PRDM5: variants seen among roughly 807,000 people sequenced by gnomAD.
PRDM5 encodes PR domain zinc finger protein 5.
Under a neutral mutation model 81.2 loss-of-function variants are expected in PRDM5, and 56 were observed. The ratio of observed to expected loss-of-function variants is 0.69; its 90% CI spans 0.56 to 0.86. The LOEUF is 0.86. Among genes scored for constraint, PRDM5 ranks in the 40% least tolerant of loss-of-function variants. The pLI is 0.00. For synonymous variants in PRDM5, 267 were observed against 256.4 expected (o/e 1.04, Z -0.39); for missense variants, 697 against 770.1 (o/e 0.91, Z 1.12).
rs1039696177 is a variant in PRDM5, at chr4:120,771,589, A to C, written c.1537+5599T>G. ...GATTTTAAGTATGCCAAACACCATG[A>C]TATTAATTCCTTATCAATAGTCAAC... On this transcript the variant is annotated intron_variant, in intron 13 of 15. Transcript: ENST00000264808. 5.9e-5 allele frequency among the ~76,000 whole-genome samples: 9 copies of C among 152,176 alleles called. 1 individual carries two copies. The highest frequency in any genetic ancestry group is 2.2e-4 in the African/African-American group (9 of 41,450).
chr4:120,838,524 C>CT (rs904018663), intron 3 of PRDM5: 1 of 152,156 alleles, frequency 6.6e-6, no homozygotes, highest in African/African-American at 2.4e-5. Context: ...AGTGCCCAAC[C>CT]TTTTTGGCAT....
At chr4:120,818,997 C>T (rs1326298781) in intron 4 of PRDM5, among the ~76,000 whole-genome samples, 1 of 152,144 alleles carries the variant, frequency 6.6e-6, no homozygotes, top group Non-Finnish European at 1.5e-5. Flanking sequence ...GTGAATTATG[C>T]TACACGGTCC....
intron 14 of PRDM5, among the ~76,000 whole-genome samples, chr4:120,730,793 A>G (rs1400387822): frequency 6.6e-6 from 1 of 152,210 alleles, no homozygotes; most frequent in Non-Finnish European, 1.5e-5. Context: ...CTAAATATTT[A>G]TAGAGGTTTA....
chr4:120,887,786 CTTTTTTT>C lies in PRDM5; in HGVS notation c.177+19681_177+19687del, dbSNP rs773355512. Among the ~76,000 whole-genome samples the C allele has an allele frequency of 1.1e-4, 9 of 85,208 alleles. 2 individuals carry two copies. The highest frequency in any genetic ancestry group is 5.0e-4 in the African/African-American group (7 of 14,114). 55.9% of individuals were successfully genotyped at this position (85,208 alleles called of 152,430 possible). ...AAACCCACAGCCTAGACATTTTATCCTTTTTTTTTTTTTTTTTTTTTTTTGAGACGGA... is the reference window on the plus strand; with the variant it reads ...AAACCCACAGCCTAGACATTTTATCCTTTTTTTTTTTTTTTTTGAGACGGA... On this transcript the variant is annotated intron_variant, in intron 2 of 15. Transcript: ENST00000264808.
At chr4:120,747,924 C>T (rs1367215608) in intron 14 of PRDM5, among the ~76,000 whole-genome samples, 1 of 152,154 alleles carries the variant, frequency 6.6e-6, no homozygotes, top group Non-Finnish European at 1.5e-5. Context: ...CAGGTGCCTT[C>T]CATGTTGAAA....
At chr4:120,725,456 C>T (rs1402699072) in intron 14 of PRDM5, among the ~76,000 whole-genome samples, 1 of 152,166 alleles carries the variant, frequency 6.6e-6, no homozygotes, top group East Asian at 1.9e-4. Context: ...TCAGTAGTAA[C>T]CAGAAACAGA....
Position 120,887,425 on chromosome 4 carries a change from T to C in PRDM5, c.177+20049A>G, listed in dbSNP as rs76443517. ...CTAGGTGGTCTCCCTGCTCCACTCT[T>C]GCCTCTCTACCTGTTCTCCACGAGG... On this transcript the variant is annotated intron_variant, in intron 2 of 15. Coordinates refer to ENST00000264808, the MANE Select transcript of PRDM5 (RefSeq NM_018699.4). Among the ~76,000 whole-genome samples the C allele has an allele frequency of 2.9e-3, 436 of 152,280 alleles. 2 individuals are homozygous for C. Among genetic ancestry groups the C allele is most frequent in the African/African-American group, 0.01 (420 of 41,554 alleles).
intron 3 of PRDM5, among the ~76,000 whole-genome samples, chr4:120,822,991 A>G (rs899162560): frequency 9.9e-5 from 15 of 152,196 alleles, no homozygotes; most frequent in African/African-American, 3.6e-4. Context: ...AAAGCAAACA[A>G]GCAAAAAATA....
intron 2 of PRDM5, among the ~76,000 whole-genome samples, chr4:120,867,132 G>GC (rs1761267560): frequency 6.6e-6 from 1 of 152,086 alleles, no homozygotes; most frequent in Admixed American, 6.6e-5. Flanking sequence ...CAACCTGAAT[G>GC]AGCTTGGAAG....
chr4:120,734,460 C>A lies in PRDM5; in HGVS notation c.1623+20093G>T, dbSNP rs189908559. ...CACACACACACACCCTTACTCACTA[C>A]GTTCAAACTAGCCTGGCAAACACTA... On this transcript the variant is annotated intron_variant, in intron 14 of 15. Coordinates refer to ENST00000264808, the MANE Select transcript of PRDM5 (RefSeq NM_018699.4). Among the ~76,000 whole-genome samples the A allele has an allele frequency of 3.8e-3, 555 of 147,774 alleles. 3 individuals carry two copies. The highest frequency in any genetic ancestry group is 5.9e-3 in the Non-Finnish European group (396 of 67,602).
chr4:120,840,821 A>C (rs1001680360), intron 3 of PRDM5, among the ~76,000 whole-genome samples: 1 of 152,200 alleles, frequency 6.6e-6, no homozygotes, highest in African/African-American at 2.4e-5. Flanking sequence ...CCCTCCCTGC[A>C]GTGGCTGGCA....
intron 2 of PRDM5, 100 bp from the exon 3 acceptor site, chr4:120,853,640 T>C: frequency 7.0e-7 from 1 of 1,435,422 alleles, no homozygotes; most frequent in South Asian, 1.2e-5. Context: ...AGTATATACC[T>C]TTTTTATTGA....
At chr4:120,813,280 T>G (rs1333611103) in intron 7 of PRDM5, among the ~76,000 whole-genome samples, 1 of 152,210 alleles carries the variant, frequency 6.6e-6, no homozygotes, top group African/African-American at 2.4e-5. Context: ...TGTTTTCAAC[T>G]TTTAATTGGT....
intron 14 of PRDM5, among the ~76,000 whole-genome samples, chr4:120,711,618 C>T (rs974816480): frequency 3.3e-5 from 5 of 151,948 alleles, no homozygotes; most frequent in African/African-American, 1.2e-4. Context: ...GTTTTCATTT[C>T]TATTACCTCA....
At position 120,822,879 on chromosome 4, in the gene PRDM5, T is replaced by C. The variant is rs558449217; in HGVS notation, c.301-1534A>G. Among the ~76,000 whole-genome samples the C allele has an allele frequency of 3.3e-5, 5 of 152,342 alleles. No homozygotes were observed. The East Asian group carries it at 9.6e-4, about 29-fold the overall frequency. ...CATTCCTATAACATTTTGAACACTC[T>C]TGGAAGTTTTTAAATTTTATATATC... On this transcript the variant is annotated intron_variant, in intron 3 of 15. Coordinates refer to ENST00000264808, the MANE Select transcript of PRDM5 (RefSeq NM_018699.4).
At chr4:120,788,603 A>T (rs1044201109) in intron 10 of PRDM5, among the ~76,000 whole-genome samples, 1 of 152,314 alleles carries the variant, frequency 6.6e-6, no homozygotes, top group Middle Eastern at 3.4e-3. Flanking sequence ...TTCCTCCCTA[A>T]TTCATTTTTT....
At chr4:120,906,106 G>A (rs1055497436) in intron 2 of PRDM5, among the ~76,000 whole-genome samples, 4 of 151,964 alleles carry the variant, frequency 2.6e-5, no homozygotes, top group African/African-American at 4.8e-5. Flanking sequence ...TGAGTAGCTG[G>A]GACTACAGGC....
intron 13 of PRDM5, among the ~76,000 whole-genome samples, chr4:120,771,758 A>G (rs1013141951): frequency 2.0e-5 from 3 of 152,224 alleles, no homozygotes; most frequent in African/African-American, 7.2e-5. Context: ...ACGTAAGAAG[A>G]AAAGTAGAAA....
chr4:120,772,539 A>C (rs1747450787), intron 13 of PRDM5, among the ~76,000 whole-genome samples: 1 of 152,236 alleles, frequency 6.6e-6, no homozygotes, highest in African/African-American at 2.4e-5. Context: ...CAGTGGCAAA[A>C]GCTTGAAAAT....
Sources: allele counts gnomAD v4.1 joint callset (sites outside exome capture counted in the v4.1 genomes callset), GRCh38; gene constraint gnomAD v4.1.1; transcripts MANE v1.5; gene names NCBI Gene and HGNC (gene_info 2026-07-23, HGNC 2026-07-21).